THSD7B: variants seen among roughly 807,000 people sequenced by gnomAD.
The protein encoded by THSD7B is thrombospondin type 1 domain containing 7B.
In THSD7B, 138 loss-of-function variants were observed where a neutral mutation model predicts 213.6. That is an observed-to-expected ratio of 0.65 (90% CI 0.56 to 0.74). The LOEUF (loss-of-function observed/expected upper bound fraction) is 0.74. THSD7B is among the 30% of genes least tolerant of loss of function. The probability of loss-of-function intolerance (pLI) is 0.00; values close to 1 mark genes in which losing one functional copy is unlikely to be tolerated. For missense variants in THSD7B, 1,931 were observed against 1,991.5 expected (o/e 0.97, Z 0.58); for synonymous variants, 742 against 687.0 (o/e 1.08, Z -1.25).
intron 15 of THSD7B, among the ~76,000 whole-genome samples, chr2:137,529,354 C>T (rs998562764): frequency 2.6e-5 from 4 of 152,010 alleles, no homozygotes; most frequent in African/African-American, 9.7e-5. Flanking sequence ...ATTTTCAAGG[C>T]AGTCAGGGAA....
intron 2 of THSD7B, among the ~76,000 whole-genome samples, chr2:137,041,455 AATGT>A (rs1242929232): frequency 6.6e-6 from 1 of 151,832 alleles, no homozygotes; most frequent in African/African-American, 2.4e-5. Context: ...TATTAATATG[AATGT>A]ATGTGCCCAC....
Position 137,115,236 on chromosome 2 carries a change from C to G in THSD7B, c.1312C>G (p.Arg438Gly). ...GPVCGGGIQTREVYCAQSVPA... is the reference protein window; with the variant it reads ...GPVCGGGIQTGEVYCAQSVPA... ...CGTGTGTGGCGGTGGGATCCAGACC[C>G]GGGAGGTGTACTGTGCCCAGAGCGT... Residue 438 changes from arginine (R) to glycine (G), a missense_variant, in exon 5 of 28, where the codon CGG becomes GGG. Coordinates refer to ENST00000409968, the MANE Select transcript of THSD7B (RefSeq NM_001316349.2). 6.2e-7 allele frequency: 1 copy of G among 1,613,180 alleles called. No individual in the cohort carries two copies. Among genetic ancestry groups the G allele is most frequent in the Non-Finnish European group, 8.5e-7 (1 of 1,179,510 alleles).
intron 1 of THSD7B, among the ~76,000 whole-genome samples, chr2:136,872,980 G>T (rs146117602): frequency 8.2e-6 from 1 of 122,590 alleles, no homozygotes; most frequent in African/African-American, 3.2e-5. Context: ...CCGAGATCGC[G>T]CCACTGCACT....
intron 12 of THSD7B, among the ~76,000 whole-genome samples, chr2:137,394,639 A>G (rs1686127088): frequency 7.2e-6 from 1 of 137,992 alleles, no homozygotes; most frequent in African/African-American, 2.7e-5. Flanking sequence ...TGCCTTGGCG[A>G]TGCGGGCTCT....
chr2:137,500,637 ATAC>A (rs1263647686), intron 15 of THSD7B, among the ~76,000 whole-genome samples: 1 of 152,250 alleles, frequency 6.6e-6, no homozygotes, highest in Non-Finnish European at 1.5e-5. Flanking sequence ...TAAAATGAAC[ATAC>A]TAATATGTAT....
rs201285259 is a variant in THSD7B at position 137,666,534 on chromosome 2, AT to A, written c.4652-1237del. ...TGTTGTTTACAATAGATTTTGATTG[AT>A]TTCCCCCCCCCATAGAAGCTTTTCA... On this transcript the variant is annotated intron_variant, in intron 26 of 27. Coordinates refer to ENST00000409968, the MANE Select transcript of THSD7B (RefSeq NM_001316349.2). 1.6e-3 allele frequency among the ~76,000 whole-genome samples: 215 copies of A among 131,762 alleles called. 2 individuals are homozygous for A. Among genetic ancestry groups the A allele is most frequent in the African/African-American group, 3.3e-3 (129 of 39,062 alleles). 86.4% of individuals were successfully genotyped at this position (131,762 alleles called of 152,430 possible). A position where few individuals can be genotyped will look rare whatever the true frequency, so the allele number is the denominator to read the frequency against.
At chr2:137,215,493 A>G (rs1265190905) in intron 7 of THSD7B, among the ~76,000 whole-genome samples, 1 of 152,178 alleles carries the variant, frequency 6.6e-6, no homozygotes, top group African/African-American at 2.4e-5. Flanking sequence ...TGCAAAAAGT[A>G]GATGCTGGCC....
chr2:137,555,553 C>A (rs1359666578), intron 15 of THSD7B, among the ~76,000 whole-genome samples: 1 of 152,136 alleles, frequency 6.6e-6, no homozygotes, highest in Admixed American at 6.5e-5. Flanking sequence ...ATGTCACTAT[C>A]ATCAAAGACC....
At chr2:137,585,518 C>T (rs1207374278) in intron 17 of THSD7B, among the ~76,000 whole-genome samples, 1 of 151,996 alleles carries the variant, frequency 6.6e-6, no homozygotes, top group Non-Finnish European at 1.5e-5. Flanking sequence ...AAATGTGTCC[C>T]AGAGATTCTG....
At chr2:137,322,008 T>A (rs140977852) in intron 12 of THSD7B, among the ~76,000 whole-genome samples, 1 of 152,228 alleles carries the variant, frequency 6.6e-6, no homozygotes, top group African/African-American at 2.4e-5. Flanking sequence ...AGACTCTGCA[T>A]TGTGGCTGCC....
Position 137,399,210 on chromosome 2 carries a change from T to A in THSD7B, c.2501-6403T>A, listed in dbSNP as rs112437884. 4.1e-3 allele frequency among the ~76,000 whole-genome samples: 186 copies of A among 45,280 alleles called. 2 individuals carry two copies. The highest frequency in any genetic ancestry group is 6.1e-3 in the African/African-American group (172 of 28,104). The allele number at this position is 45,280 out of a possible 152,430, so 29.7% of individuals were successfully genotyped here. A position where few individuals can be genotyped will look rare whatever the true frequency, so the allele number is the denominator to read the frequency against. The stretch of plus-strand genomic sequence containing the variant: ...CTCCCCACCCCTTTTTTTTTTTTTT[T>A]AAACACAAGTCTTGCTCTGTTTCCC... On this transcript the variant is annotated intron_variant, in intron 12 of 27. Coordinates refer to ENST00000409968, the MANE Select transcript of THSD7B (RefSeq NM_001316349.2).
chr2:137,336,431 A>G (rs1175314860), intron 12 of THSD7B, among the ~76,000 whole-genome samples: 1 of 152,180 alleles, frequency 6.6e-6, no homozygotes, highest in Non-Finnish European at 1.5e-5. Flanking sequence ...ATTTTGCAGT[A>G]TCAGTGTGGC....
chr2:137,525,386 A>G lies in THSD7B; in HGVS notation c.3139-37835A>G, dbSNP rs973735617. On this transcript the variant is annotated intron_variant, in intron 15 of 27. Transcript: ENST00000409968. The stretch of plus-strand genomic sequence containing the variant: ...CCTAGGTAGCTGCAAACCTCTCTTT[A>G]TTTTGACAGGCAGTTTATGAGCATC... Among the ~76,000 whole-genome samples, 24 of 152,212 alleles carry G rather than the reference A, an allele frequency of 1.6e-4. No individual in the cohort carries two copies. The South Asian group carries it at 4.8e-3, about 30-fold the overall frequency.
chr2:137,488,935 C>T (rs1484189440), intron 15 of THSD7B, among the ~76,000 whole-genome samples: 2 of 152,168 alleles, frequency 1.3e-5, no homozygotes, highest in African/African-American at 2.4e-5. Flanking sequence ...CTGCTGTGTA[C>T]ATTCTGGCCA....
At chr2:137,315,380 C>T (rs10427157) in intron 12 of THSD7B, among the ~76,000 whole-genome samples, 8,449 of 152,098 alleles carry the variant, frequency 0.056, 317 homozygotes, top group East Asian at 0.099. Context: ...GCACAGTGCG[C>T]GCACCCACTG....
At chr2:137,319,924 G>C (rs1471502513) in intron 12 of THSD7B, among the ~76,000 whole-genome samples, 1 of 152,086 alleles carries the variant, frequency 6.6e-6, no homozygotes, top group Non-Finnish European at 1.5e-5. Context: ...CCCTCCTCTT[G>C]CTCTTGCCTG....
At chr2:137,098,293 T>C (rs1459369138) in intron 4 of THSD7B, among the ~76,000 whole-genome samples, 2 of 152,188 alleles carry the variant, frequency 1.3e-5, no homozygotes, top group Admixed American at 6.5e-5. Flanking sequence ...TGAGATGTGT[T>C]TGTTCCTTCA....
At chr2:137,010,083 T>C (rs1446833933) in intron 2 of THSD7B, among the ~76,000 whole-genome samples, 2 of 152,178 alleles carry the variant, frequency 1.3e-5, no homozygotes, top group African/African-American at 4.8e-5. Context: ...TGAGGTCTTG[T>C]AACTATGCAG....
At chr2:137,377,021 A>G (rs1261296989) in intron 12 of THSD7B, among the ~76,000 whole-genome samples, 3 of 152,224 alleles carry the variant, frequency 2.0e-5, no homozygotes, top group East Asian at 1.9e-4. Context: ...TTTTTATAAC[A>G]TGGTAAGAAA....
Sources: gnomAD v4.1 joint callset for allele counts (sites outside exome capture counted in the v4.1 genomes callset) on GRCh38, gnomAD v4.1.1 for gene constraint, MANE v1.5 for transcripts, NCBI Gene and HGNC (gene_info 2026-07-23, HGNC 2026-07-21) for gene names.